DEPDC5: variants seen among roughly 807,000 people sequenced by gnomAD.
The protein encoded by DEPDC5 is DEP domain containing 5, GATOR1 subcomplex subunit.
A neutral mutation model predicts 217.3 loss-of-function variants in DEPDC5; 73 were observed. The ratio of observed to expected loss-of-function variants is 0.34; its 90% CI spans 0.28 to 0.41. DEPDC5 has a LOEUF of 0.41. Among genes scored for constraint, DEPDC5 ranks in the 10% least tolerant of loss-of-function variants. The probability of loss-of-function intolerance (pLI) is 1.00; values close to 1 mark genes in which losing one functional copy is unlikely to be tolerated. For missense variants in DEPDC5, 1,675 were observed against 2,070.1 expected, an observed-to-expected ratio of 0.81 and a Z score of 3.70; for synonymous variants, 733 against 756.7, an observed-to-expected ratio of 0.97 and a Z score of 0.51.
chr22:31,770,481 A>G (rs1045263036), intron 7 of DEPDC5, among the ~76,000 whole-genome samples: 4 of 151,374 alleles, frequency 2.6e-5, no homozygotes, highest in South Asian at 4.2e-4. Context: ...CCTGATTTCA[A>G]GCAATTATCC....
At chr22:31,784,958 G>A in intron 10 of DEPDC5, 83 bp downstream of exon 10, 2 of 1,288,614 alleles carry the variant, frequency 1.6e-6, no homozygotes, top group Non-Finnish European at 2.2e-6. Context: ...TTATTAAATT[G>A]CCCTAAATTG....
intron 38 of DEPDC5, among the ~76,000 whole-genome samples, chr22:31,889,119 AC>A (rs1462807359): frequency 1.3e-5 from 2 of 152,034 alleles, no homozygotes; most frequent in African/African-American, 4.8e-5. Flanking sequence ...GTTACTGATA[AC>A]CCCCTAGCTA....
chr22:31,877,716 CT>C (rs136869), intron 37 of DEPDC5, among the ~76,000 whole-genome samples: 138,361 of 138,368 alleles, frequency 1, 69,177 homozygotes, highest in Middle Eastern at 1. Context: ...CGCCACTGCA[CT>C]TCCAGTCTGG....
chr22:31,822,899 G>T, intron 24 of DEPDC5, 109 bp downstream of exon 24: 1 of 1,156,886 alleles, frequency 8.6e-7, no homozygotes. Flanking sequence ...GATCATTTCA[G>T]CCACACTTTT....
chr22:31,810,425 T>C (rs1735514366), intron 19 of DEPDC5, 96 bp from the exon 20 acceptor site: 6 of 1,567,528 alleles, frequency 3.8e-6, no homozygotes, highest in South Asian at 1.2e-5. Flanking sequence ...GTTTGAAATG[T>C]ATTTGGATGA....
intron 41 of DEPDC5, among the ~76,000 whole-genome samples, chr22:31,904,183 T>C (rs2093715809): frequency 6.6e-6 from 1 of 152,016 alleles, no homozygotes; most frequent in Non-Finnish European, 1.5e-5. Flanking sequence ...TTCATCTTCC[T>C]CAGCCCCTAG....
At chr22:31,886,616 G>C (rs769412547) in intron 38 of DEPDC5, among the ~76,000 whole-genome samples, 8 of 149,626 alleles carry the variant, frequency 5.3e-5, no homozygotes, top group Non-Finnish European at 1.2e-4. Context: ...AAAAATTAGC[G>C]AGGTGTGGTG....
chr22:31,760,310 C>T (rs1474823183), intron 3 of DEPDC5, among the ~76,000 whole-genome samples: 3 of 151,910 alleles, frequency 2.0e-5, no homozygotes, highest in African/African-American at 2.4e-5. Flanking sequence ...CCTCATGATC[C>T]GCCCGTCTCG....
intron 14 of DEPDC5, among the ~76,000 whole-genome samples, chr22:31,799,701 C>T (rs147252835): frequency 1.7e-4 from 25 of 150,726 alleles, no homozygotes; most frequent in African/African-American, 5.1e-4. Flanking sequence ...GAGGTTTCAC[C>T]GTATTGGCCA....
At chr22:31,788,509 C>T (rs1026076425) in intron 10 of DEPDC5, among the ~76,000 whole-genome samples, 2 of 151,120 alleles carry the variant, frequency 1.3e-5, no homozygotes, top group African/African-American at 4.9e-5. Flanking sequence ...AACTCCTGAG[C>T]TTAAGTGATC....
intron 4 of DEPDC5, among the ~76,000 whole-genome samples, chr22:31,762,530 G>A (rs1362106944): frequency 6.6e-6 from 1 of 152,212 alleles, no homozygotes; most frequent in Admixed American, 6.5e-5. Context: ...TTGGGAGGCT[G>A]AAGTAGGTGG....
chr22:31,807,458 ATCTTGC>A (rs2087685985), intron 18 of DEPDC5, among the ~76,000 whole-genome samples: 1 of 152,138 alleles, frequency 6.6e-6, no homozygotes, highest in South Asian at 2.1e-4. Context: ...TTGAGATGGA[ATCTTGC>A]TCTGTCTCCC....
rs11912177 is a variant in DEPDC5, at chr22:31,871,163, G to T, written c.3485+419G>T. 1.9e-3 allele frequency among the ~76,000 whole-genome samples: 290 copies of T among 152,292 alleles called. 1 individual carries two copies. Among genetic ancestry groups the T allele is most frequent in the African/African-American group, 6.8e-3 (281 of 41,556 alleles). ...GTTCTTCTTCTATTCCTTAGTATCCGGAGGAAAAGGAAGCTGTGTGTACTT... is the reference window on the plus strand; with the variant it reads ...GTTCTTCTTCTATTCCTTAGTATCCTGAGGAAAAGGAAGCTGTGTGTACTT... On this transcript the variant is annotated intron_variant, in intron 34 of 42. Transcript: ENST00000651528.
In DEPDC5 at chr22:31,754,847, G is replaced by C; in HGVS notation, c.-60-15G>C. ...ATCTGACATTCCAACCTTTTCGTTT[G>C]TATTTCTGTGGCAGGGAGGCAAGAT... On this transcript the variant is annotated splice_polypyrimidine_tract_variant and intron_variant, in intron 1 of 42. Transcript: ENST00000651528. 1 of 1,557,262 alleles carries C rather than the reference G, an allele frequency of 6.4e-7. No homozygotes were observed. The highest frequency in any genetic ancestry group is 8.8e-7 in the Non-Finnish European group (1 of 1,130,642).
At chr22:31,817,119 T>TC (rs1220031404) in intron 21 of DEPDC5, 1 of 159,574 alleles carries the variant, frequency 6.3e-6, no homozygotes, top group Non-Finnish European at 1.4e-5. Flanking sequence ...TTTCTTTCTT[T>TC]TTTTTTTGTG....
At chr22:31,900,833 T>C (rs547494397) in intron 40 of DEPDC5, among the ~76,000 whole-genome samples, 1 of 152,278 alleles carries the variant, frequency 6.6e-6, no homozygotes, top group East Asian at 1.9e-4. Flanking sequence ...CCCAGCACTT[T>C]GAGAGGCAGA....
At chr22:31,754,678 C>T (rs1449319091) in intron 1 of DEPDC5, among the ~76,000 whole-genome samples, 184 bp from the exon 2 acceptor site, 1 of 152,366 alleles carries the variant, frequency 6.6e-6, no homozygotes, top group Admixed American at 6.5e-5. Context: ...CCCTTAGTTC[C>T]TGGATTCTGT....
At chr22:31,784,045 G>C in intron 9 of DEPDC5, 60 bp downstream of exon 9, 1 of 1,397,552 alleles carries the variant, frequency 7.2e-7, no homozygotes, top group Non-Finnish European at 9.9e-7. Flanking sequence ...AACTGCAAAT[G>C]CTAATTCATG....
intron 31 of DEPDC5, among the ~76,000 whole-genome samples, chr22:31,856,331 G>A (rs911142410): frequency 6.6e-6 from 1 of 152,136 alleles, no homozygotes; most frequent in African/African-American, 2.4e-5. Context: ...CTCCTAGACA[G>A]CCCTCTCAGT....
Sources: allele counts gnomAD v4.1 joint callset (sites outside exome capture counted in the v4.1 genomes callset), GRCh38; gene constraint gnomAD v4.1.1; transcripts MANE v1.5; gene names NCBI Gene and HGNC (gene_info 2026-07-23, HGNC 2026-07-21).